The following ACAN variants were observed in gnomAD, a reference collection of about 807,000 sequenced individuals.
The protein encoded by ACAN is aggrecan, also known as aggrecan core protein.
Under a neutral mutation model 169.1 loss-of-function variants are expected in ACAN, and 47 were observed. That is an observed-to-expected ratio of 0.28 (90% CI 0.22 to 0.35). The LOEUF (loss-of-function observed/expected upper bound fraction) is 0.35. Among genes scored for constraint, ACAN ranks in the 10% least tolerant of loss-of-function variants. The probability of loss-of-function intolerance (pLI) is 1.00; values close to 1 mark genes in which losing one functional copy is unlikely to be tolerated. For missense variants in ACAN, 2,716 were observed against 2,759.9 expected (o/e 0.98, Z 0.36); for synonymous variants, 1,115 against 1,112.2 (o/e 1.00, Z -0.05).
rs183636867 is a variant in ACAN at position 88,872,959 on chromosome 15, G to A, written c.7381G>A (p.Glu2461Lys). Residue 2461 changes from glutamate (E) to lysine (K), a missense_variant, in exon 17 of 19, where the codon GAG becomes AAG. Transcript: ENST00000560601. The surrounding 1 kb of genome is among the most constrained non-coding windows in gnomAD (Gnocchi z 5.4). Reference protein sequence around the residue: ...GEDCVVMIWHEKGEWNDVPCN... With the variant: ...GEDCVVMIWHKKGEWNDVPCN... ...GGACTGTGTGGTGATGATCTGGCAC[G>A]AGAAGGGCGAGTGGAATGATGTTCC... is the stretch of plus-strand genomic sequence containing the variant. 34 of 1,613,872 alleles carry A rather than the reference G, an allele frequency of 2.1e-5. No homozygotes were observed. Among genetic ancestry groups the A allele is most frequent in the Admixed American group, 1.8e-4 (11 of 60,000 alleles).
rs1897192188 is a variant in ACAN at position 88,861,454 on chromosome 15, T to C, written c.6946+1015T>C. 6.6e-6 allele frequency among the ~76,000 whole-genome samples: 1 copy of C among 152,134 alleles called. No individual in the cohort carries two copies. Among genetic ancestry groups the C allele is most frequent in the Non-Finnish European group, 1.5e-5 (1 of 68,044 alleles). Reference sequence around the variant, plus strand: ...GAGAAGAATTCTGTGTCTATATATATTAATATACATGCAAATTAATACATC... The same window carrying C: ...GAGAAGAATTCTGTGTCTATATATACTAATATACATGCAAATTAATACATC... On this transcript the variant is annotated intron_variant, in intron 13 of 18. Coordinates refer to ENST00000560601, the MANE Select transcript of ACAN (RefSeq NM_001369268.1). This position sits in a 1 kb window ranked among gnomAD's most constrained non-coding sequence, Gnocchi z 6.3.
chr15:88,820,328 G>A (rs1468756980), intron 1 of ACAN, among the ~76,000 whole-genome samples: 1 of 152,118 alleles, frequency 6.6e-6, no homozygotes, highest in Non-Finnish European at 1.5e-5. Context: ...ATAGGAACAT[G>A]ATGGGGGACT....
At chr15:88,850,694 C>T (rs1218188192) in intron 10 of ACAN, 1 of 152,196 alleles carries the variant, frequency 6.6e-6, no homozygotes, top group African/African-American at 2.4e-5. Flanking sequence ...AATCCCAGCA[C>T]TTTGGGAGGC....
intron 7 of ACAN, 133 bp from the exon 8 acceptor site, chr15:88,847,110 G>A (rs1896808988): frequency 1.9e-6 from 2 of 1,035,906 alleles, no homozygotes; most frequent in Non-Finnish European, 2.7e-6. Flanking sequence ...TACCAAGTGG[G>A]ATTTCAGCCT....
chr15:88,862,102 G>T (rs1207487033), intron 13 of ACAN, among the ~76,000 whole-genome samples: 3 of 152,192 alleles, frequency 2.0e-5, no homozygotes, highest in Non-Finnish European at 4.4e-5. Context: ...ACTCCCTCTT[G>T]AACATAACAA....
Position 88,845,710 on chromosome 15 carries a change from G to C in ACAN, c.1257G>C (p.Thr419=). The change falls in exon 7 of 19, where the codon ACG becomes ACC. Residue 419 remains threonine (T), a synonymous_variant. Transcript: ENST00000560601. ...CCCTGGAACCCGAGGAGCCCTTCAC[G>C]TTTGCCCCTGAAATAGGGGCCACTG... ...PSPLEPEEPF[T]FAPEIGATAF... 6.2e-7 allele frequency: 1 copy of C among 1,613,962 alleles called. No homozygotes were observed. The highest frequency in any genetic ancestry group is 2.2e-5 in the East Asian group (1 of 44,878).
intron 1 of ACAN, among the ~76,000 whole-genome samples, chr15:88,834,331 C>T (rs540571114): frequency 1.3e-5 from 2 of 152,320 alleles, no homozygotes; most frequent in South Asian, 4.1e-4. Context: ...CACACTCAAT[C>T]AACAGGAAGA....
In ACAN at chr15:88,870,852, A is replaced by T. The variant is rs968484648; in HGVS notation, c.7061-530A>T. Among the ~76,000 whole-genome samples the T allele has an allele frequency of 1.3e-5, 2 of 151,940 alleles. No individual in the cohort carries two copies. Among genetic ancestry groups the T allele is most frequent in the Non-Finnish European group, 2.9e-5 (2 of 67,996 alleles). ...CCTTAGAGCTCTGAGTCTTCTCCAG[A>T]CCCCAAGCAGACTTATTTCTGCTCC... On this transcript the variant is annotated intron_variant, in intron 14 of 18. Transcript: ENST00000560601. The surrounding 1 kb of genome is among the most constrained non-coding windows in gnomAD (Gnocchi z 6.3).
At position 88,840,132 on chromosome 15, in the gene ACAN, A is replaced by G. The variant is rs755834901; in HGVS notation, c.575A>G (p.Tyr192Cys). Reference protein sequence around the residue: ...IATPEQLQAAYEDGFHQCDAG... With the variant: ...IATPEQLQAACEDGFHQCDAG... ...ACGCCTGAGCAGCTGCAGGCCGCCT[A>G]CGAAGACGGCTTCCACCAGTGTGAC... The change falls in exon 4 of 19, where the codon TAC becomes TGC. Residue 192 changes from tyrosine to cysteine, a missense_variant. Tyr to Cys is a radical substitution (Grantham distance 194). Coordinates refer to ENST00000560601, the MANE Select transcript of ACAN (RefSeq NM_001369268.1). 2 of 1,606,136 alleles carry G rather than the reference A, an allele frequency of 1.2e-6. No individual in the cohort carries two copies. The highest frequency in any genetic ancestry group is 1.1e-5 in the South Asian group (1 of 89,312).
chr15:88,857,332 G>T lies in ACAN; in HGVS notation c.4747G>T (p.Ala1583Ser), dbSNP rs1448247978. Reference protein sequence around the residue: ...REGLETSASGAEDLSGLPSGK... With the variant: ...REGLETSASGSEDLSGLPSGK... ...GGGTCTAGAGACTTCAGCTTCTGGA[G>T]CTGAGGACCTCAGTGGGTTGCCTTC... The change falls in exon 12 of 19, where the codon GCT (alanine) becomes TCT (serine). Residue 1583 changes from alanine (A) to serine (S), a missense_variant. Around this residue, in one of 3 missense-constraint regions of ACAN, gnomAD observed 1,389 missense variants for 1,363.7 expected, o/e 1.02. Transcript: ENST00000560601. 2 of 1,613,870 alleles carry T rather than the reference G, an allele frequency of 1.2e-6. No individual in the cohort carries two copies. The highest frequency in any genetic ancestry group is 1.3e-5 in the African/African-American group (1 of 74,948).
chr15:88,872,742 G>T lies in ACAN; in HGVS notation c.7303-139G>T. ...CCTGATCAGATTCCCAGCAGTTTTT[G>T]TGCTGCTATCAGATGAGCCTGAAGT... On this transcript the variant is annotated intron_variant, in intron 16 of 18. Coordinates refer to ENST00000560601, the MANE Select transcript of ACAN (RefSeq NM_001369268.1). The surrounding 1 kb of genome is among the most constrained non-coding windows in gnomAD (Gnocchi z 5.4). 1 of 1,095,862 alleles carries T rather than the reference G, an allele frequency of 9.1e-7. No homozygotes were observed. Among genetic ancestry groups the T allele is most frequent in the Non-Finnish European group, 1.3e-6 (1 of 775,728 alleles). The allele number at this position is 1,095,862 out of a possible 1,614,324, so 67.9% of individuals were successfully genotyped here. A position where few individuals can be genotyped will look rare whatever the true frequency, so the allele number is the denominator to read the frequency against.
chr15:88,850,110 G>T, intron 10 of ACAN: 1 of 550,188 alleles, frequency 1.8e-6, no homozygotes. Flanking sequence ...TTGGCATAGT[G>T]CCTGGGACAC....
At position 88,871,997 on chromosome 15, in the gene ACAN, C is replaced by T; in HGVS notation, c.7220-6C>T. ...GTGATGCCTGACACCCTCACCCTTT[C>T]CCCAGACAATGCCCAAGACTACCAG... On this transcript the variant is annotated splice_region_variant and splice_polypyrimidine_tract_variant and intron_variant, in intron 15 of 18. Transcript: ENST00000560601. This position sits in a 1 kb window ranked among gnomAD's most constrained non-coding sequence, Gnocchi z 7.8. 6.2e-7 allele frequency: 1 copy of T among 1,613,388 alleles called. No individual in the cohort carries two copies. The highest frequency in any genetic ancestry group is 1.7e-4 in the Middle Eastern group (1 of 6,058).
At chr15:88,836,349 C>T (rs917698599) in intron 2 of ACAN, 73 bp downstream of exon 2, 47 of 1,282,124 alleles carry the variant, frequency 3.7e-5, no homozygotes, top group East Asian at 3.5e-4. Context: ...GGGTACTGAA[C>T]CTGGTGCTAC....
rs1296754377 is a variant in ACAN at position 88,873,857 on chromosome 15, C to T, written c.7463C>T (p.Pro2488Leu). Residue 2488 changes from proline (P) to leucine (L), a missense_variant, in exon 18 of 19, where the codon CCC (proline) becomes CTC (leucine). By Grantham distance (98) the Pro-to-Leu change is moderately conservative (BLOSUM62 -3). Transcript: ENST00000560601. The surrounding 1 kb of genome is among the most constrained non-coding windows in gnomAD (Gnocchi z 7.5). Reference sequence around the variant, plus strand: ...TGCCCCTCAGTGGCCTGCGGAGAGCCCCCTGTGGTGGAGCATGCCAGGACC... The same window carrying T: ...TGCCCCTCAGTGGCCTGCGGAGAGCTCCCTGTGGTGGAGCATGCCAGGACC... ...CKKGTVACGEPPVVEHARTFG... is the reference protein window; with the variant it reads ...CKKGTVACGELPVVEHARTFG... The T allele has an allele frequency of 9.9e-6, 16 of 1,613,744 alleles. No homozygotes were observed. The highest frequency in any genetic ancestry group is 1.7e-4 in the Middle Eastern group (1 of 6,054).
chr15:88,845,345 T>G (rs1371565506), intron 6 of ACAN, among the ~76,000 whole-genome samples, 160 bp from the exon 7 acceptor site: 1 of 152,218 alleles, frequency 6.6e-6, no homozygotes, highest in African/African-American at 2.4e-5. Flanking sequence ...GATAGCTGAG[T>G]ACCCCTGAAA....
intron 1 of ACAN, among the ~76,000 whole-genome samples, chr15:88,825,802 G>A (rs1483476266): frequency 6.6e-6 from 1 of 152,102 alleles, no homozygotes; most frequent in Non-Finnish European, 1.5e-5. Context: ...ACTTCCTACT[G>A]TGCCCACCCC....
rs1226073548 is a variant in ACAN at position 88,871,097 on chromosome 15, A to T, written c.7061-285A>T. On this transcript the variant is annotated intron_variant, in intron 14 of 18. Transcript: ENST00000560601. The surrounding 1 kb of genome is among the most constrained non-coding windows in gnomAD (Gnocchi z 7.8). ...CTGCTGACCTCTGCCGGCCCAGCAG[A>T]GCAGGCATCAAGAGGAGGAAAGCTT... 6.6e-6 allele frequency among the ~76,000 whole-genome samples: 1 copy of T among 152,120 alleles called. No homozygotes were observed. Among genetic ancestry groups the T allele is most frequent in the Non-Finnish European group, 1.5e-5 (1 of 68,030 alleles).
chr15:88,836,145 TTGACCTCACCA>T, intron 1 of ACAN, 44 bp from the exon 2 acceptor site: 1 of 1,306,540 alleles, frequency 7.7e-7, no homozygotes, highest in South Asian at 1.2e-5. Flanking sequence ...ATGACTCTGC[TTGACCTCACCA>T]TGCCTTCACT....
Sources: allele counts gnomAD v4.1 joint callset (sites outside exome capture counted in the v4.1 genomes callset), GRCh38; gene constraint gnomAD v4.1.1; regional missense constraint gnomAD v4.1.1; non-coding constraint Gnocchi (gnomAD v3.1); transcripts MANE v1.5; gene names NCBI Gene and HGNC (gene_info 2026-07-23, HGNC 2026-07-21).